Variants in CCNY observed in about 807,000 individuals in gnomAD.
The protein encoded by CCNY is cyclin-Y.
CCNY carries 19 observed loss-of-function variants against 42.8 expected under a neutral mutation model. That is an observed-to-expected ratio of 0.44 (90% CI 0.31 to 0.65). The LOEUF (loss-of-function observed/expected upper bound fraction) is 0.65, where lower values mean the gene tolerates loss of function less well. Ranked by LOEUF, CCNY falls within the 30% of genes least tolerant of loss-of-function variation. CCNY has a pLI of 0.07. For missense variants in CCNY, 370 were observed against 437.3 expected (o/e 0.85, Z 1.37); for synonymous variants, 165 against 162.7 (o/e 1.01, Z -0.11).
chr10:35,311,683 C>T (rs911504457), intron 3 of CCNY, among the ~76,000 whole-genome samples: 7 of 139,550 alleles, frequency 5.0e-5, no homozygotes, highest in Non-Finnish European at 1.1e-4. Context: ...GTCCCCCCCA[C>T]CCCCCCAAAA....
At chr10:35,508,079 C>T (rs1051860544) in intron 3 of CCNY, among the ~76,000 whole-genome samples, 6 of 152,180 alleles carry the variant, frequency 3.9e-5, no homozygotes, top group Non-Finnish European at 8.8e-5. Context: ...ATATCCTGCA[C>T]TTTATCCCCA....
At chr10:35,492,754 C>T (rs759769719) in intron 2 of CCNY, among the ~76,000 whole-genome samples, 4 of 152,222 alleles carry the variant, frequency 2.6e-5, no homozygotes, top group Non-Finnish European at 4.4e-5. Flanking sequence ...TGCCGTGGCA[C>T]GGTGGCAGTC....
chr10:35,495,528 CTA>C (rs1564434309), intron 2 of CCNY, among the ~76,000 whole-genome samples: 2 of 152,286 alleles, frequency 1.3e-5, no homozygotes, highest in Admixed American at 6.5e-5. Context: ...AGAAATGTTT[CTA>C]TGTCTTTTCA....
intron 1 of CCNY, among the ~76,000 whole-genome samples, chr10:35,363,703 TGTCA>T (rs1371406238): frequency 6.6e-6 from 1 of 152,156 alleles, no homozygotes; most frequent in Non-Finnish European, 1.5e-5. Context: ...AGACTGACAC[TGTCA>T]GTCAGAGGAA....
chr10:35,447,653 G>A (rs1392153156), intron 1 of CCNY, among the ~76,000 whole-genome samples: 1 of 152,202 alleles, frequency 6.6e-6, no homozygotes, highest in African/African-American at 2.4e-5. Context: ...GCAGTAGCTT[G>A]AAATATTTAT....
At chr10:35,516,675 T>TA (rs1164677020) in intron 4 of CCNY, 52 bp downstream of exon 4, 6 of 1,073,516 alleles carry the variant, frequency 5.6e-6, no homozygotes, top group Non-Finnish European at 8.0e-6. Flanking sequence ...TTTTTTTTTT[T>TA]TTTTTTTTTT....
intron 1 of CCNY, among the ~76,000 whole-genome samples, chr10:35,446,380 C>T (rs879595527): frequency 3.9e-5 from 6 of 152,158 alleles, no homozygotes; most frequent in Admixed American, 6.5e-5. Flanking sequence ...CACACATGCT[C>T]AGTGAAAAAT....
intron 3 of CCNY, among the ~76,000 whole-genome samples, chr10:35,296,781 A>C (rs1175015558): frequency 6.6e-6 from 1 of 152,230 alleles, no homozygotes; most frequent in African/African-American, 2.4e-5. Flanking sequence ...TGAACAGACT[A>C]ATAATGAGTT....
chr10:35,306,646 C>A (rs943444506), intron 3 of CCNY, among the ~76,000 whole-genome samples: 1 of 152,080 alleles, frequency 6.6e-6, no homozygotes, highest in African/African-American at 2.4e-5. Flanking sequence ...CCGGTCTGTT[C>A]ACTGTCCTCA....
At chr10:35,426,814 C>T (rs1246543983) in intron 1 of CCNY, among the ~76,000 whole-genome samples, 1 of 152,168 alleles carries the variant, frequency 6.6e-6, no homozygotes, top group Non-Finnish European at 1.5e-5. Context: ...CTGCATAGGC[C>T]AACACTGACT....
intron 1 of CCNY, among the ~76,000 whole-genome samples, chr10:35,467,213 A>T (rs879846174): frequency 9.2e-5 from 14 of 152,224 alleles, no homozygotes; most frequent in Non-Finnish European, 1.2e-4. Context: ...TATAATCTAT[A>T]TAAGGTCTTT....
At chr10:35,411,096 G>A (rs1175079338) in intron 1 of CCNY, among the ~76,000 whole-genome samples, 1 of 152,168 alleles carries the variant, frequency 6.6e-6, no homozygotes, top group East Asian at 1.9e-4. Flanking sequence ...ACCCTCATCT[G>A]TTAAGTAATT....
chr10:35,565,943 G>C (rs1290776486), intron 8 of CCNY, 80 bp from the exon 9 acceptor site: 1 of 1,415,746 alleles, frequency 7.1e-7, no homozygotes. Flanking sequence ...CTGGAGTCTG[G>C]TCTCCAGCAA....
At chr10:35,435,556 G>A (rs747040648) in intron 1 of CCNY, among the ~76,000 whole-genome samples, 4 of 152,182 alleles carry the variant, frequency 2.6e-5, no homozygotes, top group Non-Finnish European at 5.9e-5. Context: ...AATCACACAC[G>A]TTGTCTTGTA....
chr10:35,441,591 AAAAGG>A (rs778484746), intron 1 of CCNY, among the ~76,000 whole-genome samples: 3 of 152,154 alleles, frequency 2.0e-5, no homozygotes, highest in Non-Finnish European at 4.4e-5. Context: ...CTAAAAATAA[AAAAGG>A]AAATAGCCAG....
rs74492738 is a variant in CCNY at position 35,495,664 on chromosome 10, A to G, written c.230-5837A>G. Among the ~76,000 whole-genome samples, 4 of 152,338 alleles carry G rather than the reference A, an allele frequency of 2.6e-5. No homozygotes were observed. The South Asian group carries it at 8.3e-4, about 32-fold the overall frequency. On this transcript the variant is annotated intron_variant, in intron 2 of 9. Coordinates refer to ENST00000374704, the MANE Select transcript of CCNY (RefSeq NM_145012.6). ...ACAGTTCAGAGCAGGCCAGAGGTCTAATTGGAAGCTCCCTTCCTGCAGCAC... is the reference window on the plus strand; with the variant it reads ...ACAGTTCAGAGCAGGCCAGAGGTCTGATTGGAAGCTCCCTTCCTGCAGCAC...
At chr10:35,356,023 A>G (rs1836542551) in intron 1 of CCNY, among the ~76,000 whole-genome samples, 1 of 152,168 alleles carries the variant, frequency 6.6e-6, no homozygotes, top group African/African-American at 2.4e-5. Flanking sequence ...GTTGATTTCA[A>G]TAGATGACAA....
At chr10:35,384,716 G>A (rs1265053704) in intron 1 of CCNY, among the ~76,000 whole-genome samples, 1 of 152,086 alleles carries the variant, frequency 6.6e-6, no homozygotes, top group Admixed American at 6.6e-5. Context: ...GCCAGTCCTG[G>A]GCACATAGTT....
At chr10:35,290,466 T>C (rs923387409) in intron 3 of CCNY, among the ~76,000 whole-genome samples, 7 of 152,130 alleles carry the variant, frequency 4.6e-5, no homozygotes, top group Non-Finnish European at 7.4e-5. Context: ...TGTGCATCTA[T>C]TGAGAGAATT....
Sources: allele counts gnomAD v4.1 joint callset (sites outside exome capture counted in the v4.1 genomes callset), GRCh38; gene constraint gnomAD v4.1.1; transcripts MANE v1.5; gene names NCBI Gene and HGNC (gene_info 2026-07-23, HGNC 2026-07-21).